Variants in RBFOX1 observed in about 807,000 individuals in gnomAD.
The protein encoded by RBFOX1 is RNA binding fox-1 homolog 1.
A neutral mutation model predicts 57.7 loss-of-function variants in RBFOX1; 8 were observed. The ratio of observed to expected loss-of-function variants is 0.14; its 90% confidence interval spans 0.08 to 0.25. RBFOX1 has a LOEUF of 0.25. Among genes scored for constraint, RBFOX1 ranks in the 10% least tolerant of loss-of-function variants. The probability of loss-of-function intolerance (pLI) is 1.00; values close to 1 mark genes in which losing one functional copy is unlikely to be tolerated. For missense variants in RBFOX1, 611 were observed against 548.5 expected, an observed-to-expected ratio of 1.11 and a Z score of -1.14; for synonymous variants, 326 against 222.4, an observed-to-expected ratio of 1.47 and a Z score of -4.15.
chr16:5,774,969 C>G (rs1362711594), intron 3 of RBFOX1, among the ~76,000 whole-genome samples: 2 of 152,146 alleles, frequency 1.3e-5, no homozygotes, highest in African/African-American at 4.8e-5. Flanking sequence ...AGGAATGAGA[C>G]ATTGCACCCA....
At chr16:6,390,517 C>G (rs910547380) in intron 2 of RBFOX1, among the ~76,000 whole-genome samples, 4 of 151,196 alleles carry the variant, frequency 2.6e-5, no homozygotes, top group Admixed American at 6.6e-5. Flanking sequence ...GAGAAGGTGT[C>G]AGCCCTTTTG....
intron 3 of RBFOX1, among the ~76,000 whole-genome samples, chr16:6,741,666 C>G (rs113802292): frequency 2.4e-3 from 334 of 141,726 alleles, no homozygotes; most frequent in African/African-American, 8.2e-3. Context: ...CAGACTCAGT[C>G]TCAAAAAAAA....
At chr16:6,831,068 C>T (rs982899575) in intron 3 of RBFOX1, among the ~76,000 whole-genome samples, 1 of 152,216 alleles carries the variant, frequency 6.6e-6, no homozygotes, top group Non-Finnish European at 1.5e-5. Flanking sequence ...AAATGTACCT[C>T]AACCTCCATC....
intron 1 of RBFOX1, among the ~76,000 whole-genome samples, chr16:6,192,047 G>A (rs2097145150): frequency 6.6e-6 from 1 of 152,164 alleles, no homozygotes; most frequent in Non-Finnish European, 1.5e-5. Context: ...TTACTTCTAG[G>A]CATAATTTTC....
intron 3 of RBFOX1, among the ~76,000 whole-genome samples, chr16:5,793,252 C>T (rs189760201): frequency 6.6e-6 from 1 of 152,228 alleles, no homozygotes; most frequent in African/African-American, 2.4e-5. Flanking sequence ...TTTTGCCCAC[C>T]GTGGGCAGCC....
At chr16:6,484,406 A>C (rs1161523046) in intron 2 of RBFOX1, among the ~76,000 whole-genome samples, 1 of 152,114 alleles carries the variant, frequency 6.6e-6, no homozygotes, top group Non-Finnish European at 1.5e-5. Context: ...AGAGAGATTA[A>C]ATTGACAATA....
chr16:6,146,363 C>T (rs751170613), intron 1 of RBFOX1, among the ~76,000 whole-genome samples: 56 of 152,158 alleles, frequency 3.7e-4, no homozygotes, highest in South Asian at 1.0e-3. Context: ...TCCAGATTAG[C>T]CTCCAAAATT....
chr16:5,603,318 C>T (rs1389416680), downstream of RBFOX1, among the ~76,000 whole-genome samples: 1 of 152,204 alleles, frequency 6.6e-6, no homozygotes, highest in Admixed American at 6.5e-5. Flanking sequence ...GGAGGGAAGA[C>T]CTATTCAAAC....
At chr16:6,878,621 G>A (rs1421547076) in intron 3 of RBFOX1, among the ~76,000 whole-genome samples, 2 of 152,170 alleles carry the variant, frequency 1.3e-5, no homozygotes, top group Admixed American at 1.3e-4. Context: ...TTGTTTGTGT[G>A]TTGTCAAGGA....
intron 1 of RBFOX1, chr16:5,270,899 A>C: frequency 2.4e-6 from 1 of 409,112 alleles, no homozygotes; most frequent in East Asian, 6.5e-5. Flanking sequence ...GACGAGACAC[A>C]TGCTAAAGTT....
chr16:7,585,564 C>G (rs2094064573), intron 6 of RBFOX1, among the ~76,000 whole-genome samples: 1 of 152,162 alleles, frequency 6.6e-6, no homozygotes, highest in African/African-American at 2.4e-5. Flanking sequence ...TGTGATTCCC[C>G]CGGCTGTATA....
intron 3 of RBFOX1, among the ~76,000 whole-genome samples, chr16:6,976,822 CATAT>C (rs1210537458): frequency 3.5e-5 from 5 of 141,514 alleles, no homozygotes; most frequent in African/African-American, 7.8e-5. Context: ...TGATCTAGAT[CATAT>C]ATAATGTACC....
intron 4 of RBFOX1, among the ~76,000 whole-genome samples, chr16:7,230,192 G>A (rs563671350): frequency 6.2e-4 from 94 of 151,252 alleles, no homozygotes; most frequent in Middle Eastern, 3.4e-3. Context: ...TTTTTTAATT[G>A]GACATCTGTA....
chr16:6,715,692 C>T lies in RBFOX1; in HGVS notation c.-16+61042C>T, dbSNP rs111608870. Among the ~76,000 whole-genome samples, 437 of 152,300 alleles carry T rather than the reference C, an allele frequency of 2.9e-3. 3 individuals are homozygous for T. The highest frequency in any genetic ancestry group is 0.01 in the African/African-American group (420 of 41,552). ...ATTTCTTGAAGATGAAGCAGCCCACCTGGCCCAGAAATGCCTGGTTTGTTG... is the reference window on the plus strand; with the variant it reads ...ATTTCTTGAAGATGAAGCAGCCCACTTGGCCCAGAAATGCCTGGTTTGTTG... On this transcript the variant is annotated intron_variant, in intron 3 of 15. Transcript: ENST00000550418.
intron 1 of RBFOX1, among the ~76,000 whole-genome samples, chr16:5,246,930 C>G (rs942472115): frequency 1.3e-5 from 2 of 152,202 alleles, no homozygotes; most frequent in African/African-American, 4.8e-5. Flanking sequence ...CTCAGCCTCC[C>G]AAAGTGCTGG....
rs1255430430 is a variant in RBFOX1, at chr16:7,034,841, C to CTTTTTTTTT, written c.-15-17210_-15-17209insTTTTTTTTT. 6.4e-4 allele frequency among the ~76,000 whole-genome samples: 25 copies of CTTTTTTTTT among 39,146 alleles called. 2 individuals are homozygous for CTTTTTTTTT. The highest frequency in any genetic ancestry group is 1.3e-3 in the African/African-American group (11 of 8,262). The allele number at this position is 39,146 out of a possible 152,430, so 25.7% of individuals were successfully genotyped here. ...ATATTGCATTACTTTTTTTTTTTTTCTTTTTTCTTTTTTTTTTTTTTTTTT... is the reference window on the plus strand; with the variant it reads ...ATATTGCATTACTTTTTTTTTTTTTCTTTTTTTTTTTTTTTCTTTTTTTTTTTTTTTTTT... On this transcript the variant is annotated intron_variant, in intron 3 of 15. Coordinates refer to ENST00000550418, the MANE Select transcript of RBFOX1 (RefSeq NM_018723.4).
At chr16:7,443,770 A>G (rs999069553) in intron 4 of RBFOX1, among the ~76,000 whole-genome samples, 2 of 152,342 alleles carry the variant, frequency 1.3e-5, no homozygotes, top group East Asian at 1.9e-4. Flanking sequence ...TGCCCAGAAG[A>G]GATCCGTTGC....
At chr16:5,554,699 C>T (rs1156710034) in intron 2 of RBFOX1, among the ~76,000 whole-genome samples, 2 of 152,170 alleles carry the variant, frequency 1.3e-5, no homozygotes, top group African/African-American at 2.4e-5. Flanking sequence ...TATTCCCAGA[C>T]ACCAAAGGCT....
intron 4 of RBFOX1, among the ~76,000 whole-genome samples, chr16:7,165,965 C>CACACACATAA (rs749385448): frequency 8.1e-5 from 12 of 147,432 alleles, no homozygotes; most frequent in Non-Finnish European, 1.5e-4. Flanking sequence ...CACACACACA[C>CACACACATAA]ATACATACAT....
Sources: gnomAD v4.1 joint callset for allele counts (sites outside exome capture counted in the v4.1 genomes callset) on GRCh38, gnomAD v4.1.1 for gene constraint, MANE v1.5 for transcripts, NCBI Gene and HGNC (gene_info 2026-07-23, HGNC 2026-07-21) for gene names.